Variants in KLHL13 observed in about 807,000 individuals in gnomAD.
KLHL13 encodes the protein kelch like family member 13.
In KLHL13, 10 loss-of-function variants were observed where a neutral mutation model predicts 37.1. The observed-to-expected ratio is 0.27, with a 90% CI of 0.17 to 0.46. The LOEUF (loss-of-function observed/expected upper bound fraction) is 0.46, where lower values mean the gene tolerates loss of function less well. KLHL13 is among the 20% of genes least tolerant of loss of function. The pLI, the probability that KLHL13 is intolerant of heterozygous loss-of-function variation, is 1.00. For synonymous variants in KLHL13, 163 were observed against 181.2 expected (o/e 0.90, Z 0.81); for missense variants, 360 against 509.3 (o/e 0.71, Z 2.82).
At chrX:117,958,228 G>A (rs748482537) in intron 1 of KLHL13, among the ~76,000 whole-genome samples, 16 of 111,527 alleles carry the variant, frequency 1.4e-4, no homozygotes, top group African/African-American at 4.9e-4. Context: ...TATACACTAC[G>A]TTTTATTCCT....
chrX:118,032,766 G>A (rs2054373680), intron 1 of KLHL13, among the ~76,000 whole-genome samples: 1 of 112,304 alleles, frequency 8.9e-6, no homozygotes, highest in Non-Finnish European at 1.9e-5. Context: ...GCTGAGAGAA[G>A]AAGGCTTCAG....
In KLHL13 at chrX:117,940,992, T is replaced by C. The variant is rs997838723; in HGVS notation, c.240+4442A>G. Among the ~76,000 whole-genome samples, 5 of 111,709 alleles carry C rather than the reference T, an allele frequency of 4.5e-5. No homozygotes were observed. In the South Asian group the frequency reaches 1.9e-3, roughly 41 times the overall value. On this transcript the variant is annotated intron_variant, in intron 2 of 6. Transcript: ENST00000262820. ...CTTCCAATACTATGATGAATAGGAG[T>C]GGTGAGAGATGGCATCCTTGTCTTG...
intron 1 of KLHL13, among the ~76,000 whole-genome samples, chrX:118,101,138 C>T (rs1399944176): frequency 9.0e-6 from 1 of 111,653 alleles, no homozygotes; most frequent in South Asian, 3.8e-4. Flanking sequence ...TTCTATAATT[C>T]ATATATTAAT....
intron 2 of KLHL13, among the ~76,000 whole-genome samples, chrX:117,942,338 T>A (rs1029812065): frequency 3.6e-5 from 4 of 111,719 alleles, no homozygotes; most frequent in African/African-American, 1.3e-4. Context: ...TAGATGTCTA[T>A]TAGGTCTGCT....
At chrX:118,064,437 A>G (rs1459647811) in intron 1 of KLHL13, among the ~76,000 whole-genome samples, 1 of 111,548 alleles carries the variant, frequency 9.0e-6, no homozygotes, top group Non-Finnish European at 1.9e-5. Flanking sequence ...GTTAAAAAAC[A>G]TTTCTCTCCA....
chrX:118,048,004 CAGAG>C (rs1459163603), intron 1 of KLHL13, among the ~76,000 whole-genome samples: 1 of 111,091 alleles, frequency 9.0e-6, no homozygotes, highest in Non-Finnish European at 1.9e-5. Context: ...AGTGTAGTGA[CAGAG>C]AGGCAACTGG....
chrX:118,095,572 A>G (rs777971722), intron 1 of KLHL13, among the ~76,000 whole-genome samples: 1 of 111,647 alleles, frequency 9.0e-6, no homozygotes, highest in South Asian at 3.8e-4. Context: ...CTCCACCCCA[A>G]ATCAACAGAA....
chrX:117,925,999 C>CCA (rs1931993696), intron 2 of KLHL13, among the ~76,000 whole-genome samples: 1 of 111,446 alleles, frequency 9.0e-6, no homozygotes, highest in African/African-American at 3.3e-5. Flanking sequence ...ATTCCACCTC[C>CCA]TTTGTAAAGC....
chrX:118,019,447 G>A (rs1391578456), intron 1 of KLHL13, among the ~76,000 whole-genome samples: 2 of 110,087 alleles, frequency 1.8e-5, no homozygotes, highest in African/African-American at 3.4e-5. Flanking sequence ...TAGGTTGCCT[G>A]TTCACTCTGG....
Position 118,040,849 on chromosome X carries a change from T to C in KLHL13, c.-56+75659A>G, listed in dbSNP as rs765209196. ...CAAATAACATACAATGGAGCTCCAA[T>C]ACATCTGTCAGCAGGCTTTTCAGTG... On this transcript the variant is annotated intron_variant, in intron 1 of 6. Transcript: ENST00000371882. 1.0e-3 allele frequency among the ~76,000 whole-genome samples: 114 copies of C among 112,085 alleles called. 1 individual carries two copies. Among genetic ancestry groups the C allele is most frequent in the Non-Finnish European group, 1.2e-3 (66 of 53,182 alleles).
intron 1 of KLHL13, among the ~76,000 whole-genome samples, chrX:118,098,891 C>A (rs1486061526): frequency 1.1e-5 from 1 of 89,851 alleles, no homozygotes; most frequent in Non-Finnish European, 2.2e-5. Flanking sequence ...CACATGGACA[C>A]AGGAAGGGGA....
chrX:117,926,125 A>C (rs772455290), intron 2 of KLHL13, among the ~76,000 whole-genome samples: 1 of 112,467 alleles, frequency 8.9e-6, no homozygotes, highest in African/African-American at 3.2e-5. Flanking sequence ...TTCGATTTAC[A>C]TTACGTCCTG....
intron 1 of KLHL13, among the ~76,000 whole-genome samples, chrX:118,072,173 C>T (rs1462092862): frequency 3.6e-5 from 4 of 109,900 alleles, no homozygotes; most frequent in African/African-American, 1.3e-4. Flanking sequence ...AGAAATAACG[C>T]CGCATATCTA....
intron 1 of KLHL13, among the ~76,000 whole-genome samples, chrX:118,091,501 A>C (rs1297650225): frequency 3.6e-5 from 4 of 111,698 alleles, no homozygotes; most frequent in Non-Finnish European, 7.5e-5. Context: ...ATTGTAATAA[A>C]ATACCCAACA....
intron 1 of KLHL13, among the ~76,000 whole-genome samples, chrX:117,961,880 G>C (rs1018511940): frequency 9.1e-6 from 1 of 110,206 alleles, no homozygotes; most frequent in African/African-American, 3.3e-5. Flanking sequence ...AGCCCCGTGA[G>C]ACCAGTACCA....
At chrX:117,956,015 C>T (rs893722215) in intron 1 of KLHL13, among the ~76,000 whole-genome samples, 2 of 111,195 alleles carry the variant, frequency 1.8e-5, no homozygotes, top group Non-Finnish European at 3.8e-5. Flanking sequence ...GTTTTAGGGT[C>T]CACCATTTTA....
intron 1 of KLHL13, among the ~76,000 whole-genome samples, chrX:118,008,607 G>A (rs1190064411): frequency 2.7e-5 from 3 of 112,012 alleles, no homozygotes; most frequent in African/African-American, 9.7e-5. Flanking sequence ...ATCATGAGAA[G>A]TATTTATTAC....
At chrX:117,921,295 G>A (rs1317176228) in intron 2 of KLHL13, among the ~76,000 whole-genome samples, 1 of 111,794 alleles carries the variant, frequency 8.9e-6, no homozygotes, top group Non-Finnish European at 1.9e-5. Flanking sequence ...TGGGTACAGA[G>A]ATGTATGCTT....
exon 4 of KLHL13, chrX:117,919,571 G>C: frequency 8.3e-7 from 1 of 1,210,627 alleles, no homozygotes; most frequent in Non-Finnish European, 1.1e-6. Context: ...AGAATCTGTA[G>C]GAAACTGGCA....
Sources: gnomAD v4.1 joint callset for allele counts (sites outside exome capture counted in the v4.1 genomes callset) on GRCh38, gnomAD v4.1.1 for gene constraint, MANE v1.5 for transcripts, NCBI Gene and HGNC (gene_info 2026-07-23, HGNC 2026-07-21) for gene names.